PHACTR1: variants seen among roughly 807,000 people sequenced by gnomAD.
PHACTR1 encodes the protein phosphatase and actin regulator 1.
Under a neutral mutation model 69.2 loss-of-function variants are expected in PHACTR1, and 16 were observed. That is an observed-to-expected ratio of 0.23 (90% CI 0.16 to 0.35). The LOEUF is 0.35. PHACTR1 is among the 10% of genes least tolerant of loss of function. The pLI, the probability that PHACTR1 is intolerant of heterozygous loss-of-function variation, is 1.00. For synonymous variants in PHACTR1, 312 were observed against 284.5 expected (o/e 1.10, Z -0.97); for missense variants, 510 against 734.7 (o/e 0.69, Z 3.54).
intron 4 of PHACTR1, among the ~76,000 whole-genome samples, chr6:12,948,899 G>C (rs184475238): frequency 4.0e-4 from 61 of 152,228 alleles, no homozygotes; most frequent in African/African-American, 1.4e-3. Flanking sequence ...AGTCATAAGA[G>C]CACTTCAAAA....
intron 5 of PHACTR1, among the ~76,000 whole-genome samples, chr6:13,073,195 T>G (rs906196969): frequency 6.9e-6 from 1 of 144,792 alleles, no homozygotes; most frequent in Non-Finnish European, 1.5e-5. Context: ...AGACATAATA[T>G]TTACAAATGG....
chr6:12,763,608 A>G (rs1768279236), intron 4 of PHACTR1, among the ~76,000 whole-genome samples: 1 of 152,234 alleles, frequency 6.6e-6, no homozygotes, highest in African/African-American at 2.4e-5. Context: ...AATTTAGCCA[A>G]CACAGACAAG....
intron 3 of PHACTR1, among the ~76,000 whole-genome samples, chr6:12,737,838 C>G (rs960795108): frequency 2.6e-5 from 4 of 152,124 alleles, no homozygotes; most frequent in African/African-American, 7.2e-5. Context: ...TAAAGTGATC[C>G]TCCCTCAAAA....
At chr6:12,877,494 A>G (rs186398397) in intron 4 of PHACTR1, among the ~76,000 whole-genome samples, 79 of 152,210 alleles carry the variant, frequency 5.2e-4, no homozygotes, top group African/African-American at 1.8e-3. Flanking sequence ...AATAGAGACC[A>G]CCTACTGTAT....
At chr6:13,233,500 A>G (rs954844700) in intron 10 of PHACTR1, among the ~76,000 whole-genome samples, 1 of 152,202 alleles carries the variant, frequency 6.6e-6, no homozygotes, top group Non-Finnish European at 1.5e-5. Context: ...CCATGGCTGG[A>G]GAGGTCTCAG....
Position 13,141,701 on chromosome 6 carries a change from A to G in PHACTR1, c.416-18503A>G, listed in dbSNP as rs141948851. On this transcript the variant is annotated intron_variant, in intron 5 of 14. Coordinates refer to ENST00000332995, the MANE Select transcript of PHACTR1 (RefSeq NM_030948.6). ...CTTTCTTCTCTATTTTCTTTATTCC[A>G]CACATGTTTAGATTTCTTCTTTCTT... Among the ~76,000 whole-genome samples, 710 of 136,600 alleles carry G rather than the reference A, an allele frequency of 5.2e-3. 9 individuals are homozygous for G. Among genetic ancestry groups the G allele is most frequent in the African/African-American group, 0.018 (662 of 37,204 alleles). The allele number at this position is 136,600 out of a possible 152,430, so 89.6% of individuals were successfully genotyped here. A position where few individuals can be genotyped will look rare whatever the true frequency, so the allele number is the denominator to read the frequency against.
chr6:12,892,028 A>T (rs187776743), intron 4 of PHACTR1, among the ~76,000 whole-genome samples: 17 of 152,364 alleles, frequency 1.1e-4, no homozygotes, highest in Admixed American at 1.1e-3. Context: ...CATTAAAGAG[A>T]CATGCATTCC....
intron 4 of PHACTR1, among the ~76,000 whole-genome samples, chr6:13,050,444 C>T (rs1202925989): frequency 6.6e-6 from 1 of 152,208 alleles, no homozygotes; most frequent in Non-Finnish European, 1.5e-5. Context: ...TCAGTTCAAA[C>T]TTTCAATCAC....
intron 8 of PHACTR1, among the ~76,000 whole-genome samples, chr6:13,208,213 A>G (rs1325725626): frequency 1.3e-5 from 2 of 152,154 alleles, no homozygotes; most frequent in African/African-American, 4.8e-5. Context: ...TAGATGGAGA[A>G]ACTAAGGGAG....
intron 4 of PHACTR1, among the ~76,000 whole-genome samples, chr6:12,880,577 T>A (rs1377213423): frequency 6.6e-6 from 1 of 152,100 alleles, no homozygotes; most frequent in Non-Finnish European, 1.5e-5. Context: ...CTTTTAACCA[T>A]CATTCTGTGC....
In PHACTR1 at chr6:12,742,915, A is replaced by G. The variant is rs543189185; in HGVS notation, c.104-6729A>G. Among the ~76,000 whole-genome samples the G allele has an allele frequency of 6.6e-5, 10 of 152,304 alleles. No homozygotes were observed. The East Asian group carries it at 1.9e-3, about 29-fold the overall frequency. On this transcript the variant is annotated intron_variant, in intron 3 of 14. Coordinates refer to ENST00000332995, the MANE Select transcript of PHACTR1 (RefSeq NM_030948.6). ...AAAATATTCAGTAAGCTTATCTGGC[A>G]TTCCTACACAAAGAGTACAACAGCA...
intron 3 of PHACTR1, among the ~76,000 whole-genome samples, chr6:12,720,363 T>C (rs1482789656): frequency 6.6e-6 from 1 of 152,228 alleles, no homozygotes; most frequent in East Asian, 1.9e-4. Flanking sequence ...ATGCCCATTT[T>C]GTCTTGCTGT....
chr6:12,993,338 G>T (rs1354929741), intron 4 of PHACTR1, among the ~76,000 whole-genome samples: 1 of 152,180 alleles, frequency 6.6e-6, no homozygotes, highest in African/African-American at 2.4e-5. Context: ...AGAAATAATG[G>T]TTAATAAGTT....
chr6:13,051,665 C>G (rs932763166), intron 4 of PHACTR1, among the ~76,000 whole-genome samples: 2 of 152,178 alleles, frequency 1.3e-5, no homozygotes, highest in Non-Finnish European at 2.9e-5. Flanking sequence ...AAAACTTAAG[C>G]CCAAAGTGAC....
At chr6:13,107,756 T>C (rs1816399464) in intron 5 of PHACTR1, among the ~76,000 whole-genome samples, 1 of 152,126 alleles carries the variant, frequency 6.6e-6, no homozygotes, top group Non-Finnish European at 1.5e-5. Flanking sequence ...ATTTTTAAAA[T>C]TATCTTTTAT....
intron 4 of PHACTR1, among the ~76,000 whole-genome samples, chr6:12,880,104 A>G (rs760951685): frequency 6.6e-6 from 1 of 152,204 alleles, no homozygotes; most frequent in Non-Finnish European, 1.5e-5. Flanking sequence ...CCTTTGAGGT[A>G]GGTACTATGA....
At chr6:13,112,063 G>GCTCCCCTCTGTGTGTCC (rs1359089461) in intron 5 of PHACTR1, among the ~76,000 whole-genome samples, 2 of 152,026 alleles carry the variant, frequency 1.3e-5, no homozygotes, top group African/African-American at 4.8e-5. Flanking sequence ...AGTGGGTGTT[G>GCTCCCCTCTGTGTGTCC]CTCCCCTCTG....
intron 4 of PHACTR1, among the ~76,000 whole-genome samples, chr6:12,794,687 G>A (rs373617323): frequency 1.3e-5 from 2 of 152,146 alleles, no homozygotes; most frequent in African/African-American, 4.8e-5. Context: ...TTCGATGTGC[G>A]TCTTCCACCT....
At chr6:13,208,630 C>G (rs1736499) in intron 8 of PHACTR1, among the ~76,000 whole-genome samples, 10,685 of 145,276 alleles carry the variant, frequency 0.074, 884 homozygotes, top group East Asian at 0.21. Flanking sequence ...CATTGCTGCC[C>G]ACCCCCCCAA....
Sources: gnomAD v4.1 joint callset for allele counts (sites outside exome capture counted in the v4.1 genomes callset) on GRCh38, gnomAD v4.1.1 for gene constraint, MANE v1.5 for transcripts, NCBI Gene and HGNC (gene_info 2026-07-23, HGNC 2026-07-21) for gene names.